The following MYT1L variants were observed in gnomAD, a reference collection of about 807,000 sequenced individuals.
MYT1L encodes the protein myelin transcription factor 1-like protein.
Under a neutral mutation model 126.7 loss-of-function variants are expected in MYT1L, and 12 were observed. The observed-to-expected ratio is 0.09, with a 90% confidence interval of 0.06 to 0.15. The LOEUF is 0.15. Ranked by LOEUF, MYT1L falls within the 10% of genes least tolerant of loss-of-function variation. The pLI is 1.00. For missense variants in MYT1L, 979 were observed against 1,585.2 expected, an observed-to-expected ratio of 0.62 and a Z score of 6.49; for synonymous variants, 541 against 604.2, an observed-to-expected ratio of 0.90 and a Z score of 1.53.
chr2:1,988,687 A>G (rs2061237133), intron 5 of MYT1L, among the ~76,000 whole-genome samples: 1 of 152,188 alleles, frequency 6.6e-6, no homozygotes, highest in Admixed American at 6.5e-5. Flanking sequence ...GGTGGAGAGG[A>G]CTGAATAAAA....
chr2:1,820,396 T>C (rs79542090), intron 21 of MYT1L, among the ~76,000 whole-genome samples: 2,865 of 152,336 alleles, frequency 0.019, 35 homozygotes, highest in Non-Finnish European at 0.026. Flanking sequence ...AATTTCATGA[T>C]GATGAACCTC....
intron 2 of MYT1L, among the ~76,000 whole-genome samples, chr2:2,225,530 T>A (rs1278728427): frequency 6.6e-6 from 1 of 152,128 alleles, no homozygotes; most frequent in Non-Finnish European, 1.5e-5. Context: ...GTGAGGCTGG[T>A]CTCATTGACT....
Position 1,892,149 on chromosome 2 carries a change from T to C in MYT1L, c.2171A>G (p.His724Arg). 1 of 1,548,590 alleles carries C rather than the reference T, an allele frequency of 6.5e-7. No individual in the cohort carries two copies. The highest frequency in any genetic ancestry group is 8.7e-7 in the Non-Finnish European group (1 of 1,146,646). ...TCSKSSFDYT[H>R]DMEAAHMAAT... ...CGCCATGTGGGCCGCCTCCATGTCG[T>C]GCGTGTAGTCGAAGCTGCTCTTGCT... Residue 724 changes from histidine (H) to arginine (R), a missense_variant, in exon 15 of 25, where the codon CAC becomes CGC. Physicochemically the swap from His to Arg is conservative, Grantham distance 29. Around this residue, in one of 12 missense-constraint regions of MYT1L, gnomAD observed 28 missense variants for 66.6 expected, o/e 0.42. Coordinates refer to ENST00000647738, the MANE Select transcript of MYT1L (RefSeq NM_001303052.2).
chr2:2,290,968 G>C (rs2095590492), intron 1 of MYT1L, among the ~76,000 whole-genome samples: 1 of 151,756 alleles, frequency 6.6e-6, no homozygotes, highest in African/African-American at 2.4e-5. Context: ...ATTAGATAAA[G>C]AGGAAAAAGA....
intron 2 of MYT1L, among the ~76,000 whole-genome samples, chr2:2,207,853 A>T (rs17039389): frequency 0.15 from 22,952 of 152,148 alleles, 1,919 homozygotes; most frequent in African/African-American, 0.22. Flanking sequence ...CCTAGGACTG[A>T]TGCCATCGAA....
chr2:2,249,267 C>T (rs1196174268), intron 2 of MYT1L, among the ~76,000 whole-genome samples: 3 of 151,878 alleles, frequency 2.0e-5, no homozygotes, highest in Admixed American at 2.0e-4. Flanking sequence ...TAATCCCACT[C>T]ACTGTAGCCA....
chr2:2,272,210 A>T lies in MYT1L; in HGVS notation c.-421+12194T>A, dbSNP rs184117761. On this transcript the variant is annotated intron_variant, in intron 2 of 24. Coordinates refer to ENST00000647738, the MANE Select transcript of MYT1L (RefSeq NM_001303052.2). ...CTCTCTTCCCTCCTGCCCTGCCTGA[A>T]GTCAAAGACGACAGGCACCCTTATT... is the stretch of plus-strand genomic sequence containing the variant. Among the ~76,000 whole-genome samples the T allele has an allele frequency of 2.6e-3, 389 of 152,004 alleles. 1 individual carries two copies. The highest frequency in any genetic ancestry group is 9.1e-3 in the African/African-American group (378 of 41,422).
chr2:2,073,527 G>A (rs1463318263), intron 3 of MYT1L, among the ~76,000 whole-genome samples: 2 of 152,136 alleles, frequency 1.3e-5, no homozygotes, highest in East Asian at 3.9e-4. Context: ...TTAGGATGAA[G>A]TCTCTCCTCA....
chr2:2,199,122 A>G (rs2092947981), intron 2 of MYT1L, among the ~76,000 whole-genome samples: 1 of 152,184 alleles, frequency 6.6e-6, no homozygotes. Flanking sequence ...TAGGCTTTGG[A>G]AAGGTTCAGA....
chr2:2,137,046 C>G (rs1417903846), intron 3 of MYT1L, among the ~76,000 whole-genome samples: 1 of 151,926 alleles, frequency 6.6e-6, no homozygotes, highest in Non-Finnish European at 1.5e-5. Flanking sequence ...ACACCAATAA[C>G]AGACAAACAG....
At chr2:1,830,996 C>T (rs1248740037) in intron 21 of MYT1L, among the ~76,000 whole-genome samples, 1 of 152,198 alleles carries the variant, frequency 6.6e-6, no homozygotes, top group East Asian at 1.9e-4. Context: ...GTGTTGGGGA[C>T]AAAAGTGTGC....
Position 1,910,984 on chromosome 2 carries a change from T to C in MYT1L, c.1710-637A>G, listed in dbSNP as rs1317979085. Among the ~76,000 whole-genome samples the C allele has an allele frequency of 6.6e-6, 1 of 152,226 alleles. No homozygotes were observed. Among genetic ancestry groups the C allele is most frequent in the Non-Finnish European group, 1.5e-5 (1 of 68,048 alleles). ...GTGTGCAAGCTCACTTTATGTGAAATCACCGTGTCTGCTCTGTGGGTGTCT... is the reference window on the plus strand; with the variant it reads ...GTGTGCAAGCTCACTTTATGTGAAACCACCGTGTCTGCTCTGTGGGTGTCT... On this transcript the variant is annotated intron_variant, in intron 12 of 24. Coordinates refer to ENST00000647738, the MANE Select transcript of MYT1L (RefSeq NM_001303052.2). This position sits in a 1 kb window ranked among gnomAD's most constrained non-coding sequence, Gnocchi z 4.8.
rs190965837 is a variant in MYT1L at position 2,280,836 on chromosome 2, T to C, written c.-421+3568A>G. Among the ~76,000 whole-genome samples the C allele has an allele frequency of 3.1e-3, 467 of 152,282 alleles. 1 individual carries two copies. The highest frequency in any genetic ancestry group is 5.3e-3 in the Non-Finnish European group (361 of 68,018). On this transcript the variant is annotated intron_variant, in intron 2 of 24. Coordinates refer to ENST00000647738, the MANE Select transcript of MYT1L (RefSeq NM_001303052.2). The stretch of plus-strand genomic sequence containing the variant: ...AGCACAAAATTTCATCCTAAAATAT[T>C]GTGGTTTAAGTCTCCTCAAAGATTT...
intron 4 of MYT1L, among the ~76,000 whole-genome samples, chr2:2,012,207 TG>T (rs2063898477): frequency 1.3e-5 from 2 of 152,208 alleles, no homozygotes; most frequent in Non-Finnish European, 2.9e-5. Context: ...ACAAAGAGAA[TG>T]GGGCTGATTT....
At chr2:2,134,160 C>T (rs1433201471) in intron 3 of MYT1L, among the ~76,000 whole-genome samples, 1 of 152,144 alleles carries the variant, frequency 6.6e-6, no homozygotes, top group Non-Finnish European at 1.5e-5. Flanking sequence ...ATTGTGTGTC[C>T]ATGGCTTCAG....
chr2:2,041,938 G>T (rs1411540122), intron 4 of MYT1L, among the ~76,000 whole-genome samples: 1 of 152,174 alleles, frequency 6.6e-6, no homozygotes, highest in African/African-American at 2.4e-5. Context: ...GTTTTGTGGA[G>T]CATCTCTCCA....
chr2:1,851,625 T>C lies in MYT1L; in HGVS notation c.2774+16A>G. Reference sequence around the variant, plus strand: ...AGAAAGAGCATTTTGGAGAGAAGAGTAGCATCTCTACATACCTCCGATGAG... The same window carrying C: ...AGAAAGAGCATTTTGGAGAGAAGAGCAGCATCTCTACATACCTCCGATGAG... On this transcript the variant is annotated intron_variant, in intron 19 of 24. Coordinates refer to ENST00000647738, the MANE Select transcript of MYT1L (RefSeq NM_001303052.2). 1 of 1,608,990 alleles carries C rather than the reference T, an allele frequency of 6.2e-7. No homozygotes were observed. Among genetic ancestry groups the C allele is most frequent in the South Asian group, 1.1e-5 (1 of 90,936 alleles).
chr2:2,156,389 G>A (rs2086735208), intron 3 of MYT1L, among the ~76,000 whole-genome samples: 1 of 152,238 alleles, frequency 6.6e-6, no homozygotes. Flanking sequence ...CAACAGGGGA[G>A]AGAACTGAGT....
chr2:2,140,569 G>A (rs1311839112), intron 3 of MYT1L, among the ~76,000 whole-genome samples: 2 of 151,426 alleles, frequency 1.3e-5, no homozygotes, highest in African/African-American at 4.9e-5. Flanking sequence ...CAAGTAGCTG[G>A]GACTACAGGT....
Sources: gnomAD v4.1 joint callset for allele counts (sites outside exome capture counted in the v4.1 genomes callset) on GRCh38, gnomAD v4.1.1 for gene constraint, gnomAD v4.1.1 regional missense constraint, Gnocchi (gnomAD v3.1) non-coding constraint, MANE v1.5 for transcripts, NCBI Gene and HGNC (gene_info 2026-07-23, HGNC 2026-07-21) for gene names.